Variants in AMOTL2 observed in about 807,000 individuals in gnomAD.
AMOTL2 encodes the protein angiomotin-like protein 2.
In AMOTL2, 33 loss-of-function variants were observed where a neutral mutation model predicts 78.4. That is an observed-to-expected ratio of 0.42 (90% CI 0.32 to 0.56). The LOEUF (loss-of-function observed/expected upper bound fraction) is 0.56, where lower values mean the gene tolerates loss of function less well. Among genes scored for constraint, AMOTL2 ranks in the 20% least tolerant of loss-of-function variants. The pLI is 0.12. For missense variants in AMOTL2, 983 were observed against 1,030.1 expected (o/e 0.95, Z 0.63); for synonymous variants, 422 against 428.8 (o/e 0.98, Z 0.20).
Position 134,371,315 on chromosome 3 carries a change from C to G in AMOTL2, c.119G>C (p.Arg40Thr). 6.2e-7 allele frequency: 1 copy of G among 1,612,430 alleles called. No individual in the cohort carries two copies. The highest frequency in any genetic ancestry group is 8.5e-7 in the Non-Finnish European group (1 of 1,180,032). Residue 40 changes from arginine to threonine, a missense_variant, in exon 2 of 10, where the codon AGG becomes ACG. By Grantham distance (71) the Arg-to-Thr change is moderately conservative. Coordinates refer to ENST00000249883, the MANE Select transcript of AMOTL2 (RefSeq NM_016201.4). Reference sequence around the variant, plus strand: ...TGTACCCCCAGTTCCAGCCCCACCCCTCAGGGCCTGCTGCTGGATGGCTAG... The same window carrying G: ...TGTACCCCCAGTTCCAGCCCCACCCGTCAGGGCCTGCTGCTGGATGGCTAG... ...TLLAIQQQAL[R>T]GGAGTGGTGS...
Position 134,359,331 on chromosome 3 carries a change from A to G in AMOTL2, c.2056T>C (p.Ser686Pro). The change falls in exon 8 of 10, where the codon TCT becomes CCT. Residue 686 changes from serine (S) to proline (P), a missense_variant. Physicochemically the swap from Ser to Pro is moderately conservative, Grantham distance 74 (BLOSUM62 -1). Transcript: ENST00000249883. ...TCTGCTGTTTGTCGCTCACTAGAAG[A>G]GAGCCCTTGCCAGCCCTGGGTTCCT... ...AAGTQGWQGL[S>P]SSERQTADAP... is the part of the protein sequence containing the mutation. 1.2e-6 allele frequency: 2 copies of G among 1,614,226 alleles called. No homozygotes were observed. The highest frequency in any genetic ancestry group is 1.7e-6 in the Non-Finnish European group (2 of 1,180,036).
chr3:134,373,705 T>C, intron 1 of AMOTL2: 1 of 985,346 alleles, frequency 1.0e-6, no homozygotes, highest in Non-Finnish European at 1.2e-6. Flanking sequence ...CGGTGGCCGC[T>C]GGTACGCCTG....
intron 6 of AMOTL2, 65 bp from the exon 7 acceptor site, chr3:134,360,478 T>C: frequency 7.2e-7 from 1 of 1,382,582 alleles, no homozygotes; most frequent in Non-Finnish European, 1.0e-6. Flanking sequence ...CCACTGGTCT[T>C]CGCCTCCACA....
intron 3 of AMOTL2, 132 bp downstream of exon 3, chr3:134,367,365 G>A (rs1466827): frequency 0.6 from 654,311 of 1,091,368 alleles, 206,126 homozygotes; most frequent in Middle Eastern, 0.68. Flanking sequence ...GGAGGTGGAA[G>A]ACAGAGGGAT....
chr3:134,363,717 T>C (rs2017475506), intron 5 of AMOTL2, among the ~76,000 whole-genome samples: 1 of 152,154 alleles, frequency 6.6e-6, no homozygotes, highest in East Asian at 1.9e-4. Flanking sequence ...TGGCCACACT[T>C]TCCTAGTGTT....
Position 134,374,297 on chromosome 3 carries a change from C to G in AMOTL2, c.-62+45G>C, listed in dbSNP as rs934959532. On this transcript the variant is annotated intron_variant, in intron 1 of 9. Coordinates refer to ENST00000249883, the MANE Select transcript of AMOTL2 (RefSeq NM_016201.4). Reference sequence around the variant, plus strand: ...CTCCAGCTTTGGCTGGGGCACGTTTCTGTGGCCTCGCGCGCTCTCCCGAGC... The same window carrying G: ...CTCCAGCTTTGGCTGGGGCACGTTTGTGTGGCCTCGCGCGCTCTCCCGAGC... 36 of 985,454 alleles carry G rather than the reference C, an allele frequency of 3.7e-5. No homozygotes were observed. The African/African-American group carries it at 4.9e-4, about 13-fold the overall frequency. 61.0% of individuals were successfully genotyped at this position (985,454 alleles called of 1,614,324 possible).
chr3:134,355,837 C>T lies in AMOTL2; in HGVS notation c.*1868G>A, dbSNP rs1014138646. 1.0e-4 allele frequency: 16 copies of T among 152,790 alleles called. No individual in the cohort carries two copies. The highest frequency in any genetic ancestry group is 1.6e-4 in the Non-Finnish European group (11 of 68,058). 9.5% of individuals were successfully genotyped at this position (152,790 alleles called of 1,614,324 possible). Reference sequence around the variant, plus strand: ...GCCCCCCAAAATCCTCACCCTTTCCCTTCCCTCAGTGCAAAGTCTCACCTG... The same window carrying T: ...GCCCCCCAAAATCCTCACCCTTTCCTTTCCCTCAGTGCAAAGTCTCACCTG... On this transcript the variant is annotated 3_prime_UTR_variant, in exon 10 of 10. Transcript: ENST00000249883.
chr3:134,359,797 G>A (rs1398094859), intron 7 of AMOTL2, among the ~76,000 whole-genome samples: 3 of 152,240 alleles, frequency 2.0e-5, no homozygotes, highest in East Asian at 3.9e-4. Flanking sequence ...TTCATCAGAT[G>A]ATAGTGGCGG....
At chr3:134,358,227 A>C (rs969410886) in intron 9 of AMOTL2, among the ~76,000 whole-genome samples, 10 of 152,226 alleles carry the variant, frequency 6.6e-5, no homozygotes, top group Non-Finnish European at 1.5e-4. Context: ...TGGATAATCA[A>C]ATTGGAAATT....
At chr3:134,365,747 A>T in intron 5 of AMOTL2, 70 bp downstream of exon 5, 2 of 1,408,294 alleles carry the variant, frequency 1.4e-6, no homozygotes, top group Non-Finnish European at 2.0e-6. Context: ...CAATCTTCCT[A>T]GTCCAGAGGG....
chr3:134,364,156 C>T (rs748152928), intron 5 of AMOTL2, among the ~76,000 whole-genome samples: 2 of 152,092 alleles, frequency 1.3e-5, no homozygotes, highest in East Asian at 1.9e-4. Context: ...GCTCACCCTC[C>T]CTCCTCCCAA....
chr3:134,359,594 C>T (rs1477761203), intron 7 of AMOTL2, 91 bp from the exon 8 acceptor site: 6 of 1,021,592 alleles, frequency 5.9e-6, no homozygotes, highest in African/African-American at 1.6e-5. Context: ...AGGAAAAGCC[C>T]CCCCCAACTC....
intron 3 of AMOTL2, chr3:134,366,830 G>A (rs60048996): frequency 0.028 from 4,957 of 175,392 alleles, 257 homozygotes; most frequent in African/African-American, 0.11. Context: ...CCATGATGGG[G>A]TGGTTTGACC....
chr3:134,371,880 C>T, intron 1 of AMOTL2: 1 of 201,674 alleles, frequency 5.0e-6, no homozygotes, highest in Non-Finnish European at 1.0e-5. Flanking sequence ...AGATAACCCA[C>T]CAGGAACCAC....
At chr3:134,374,778 C>G, upstream of AMOTL2, 2 of 1,017,726 alleles carry the variant, frequency 2.0e-6, no homozygotes, top group Non-Finnish European at 2.4e-6. Flanking sequence ...CCAACTCTGC[C>G]CATTATCGCC....
In AMOTL2 at chr3:134,356,359, A is replaced by T. The variant is rs2017080169; in HGVS notation, c.*1346T>A. ...GGAGAACTAAAAACGGTAAAGACAA[A>T]ACTGCTAAAACCCACCAATAGCTCC... is the stretch of plus-strand genomic sequence containing the variant. On this transcript the variant is annotated 3_prime_UTR_variant, in exon 10 of 10. Transcript: ENST00000249883. The T allele has an allele frequency of 6.6e-6, 1 of 152,570 alleles. No homozygotes were observed. Among genetic ancestry groups the T allele is most frequent in the Non-Finnish European group, 1.5e-5 (1 of 68,056 alleles). 9.5% of individuals were successfully genotyped at this position (152,570 alleles called of 1,614,324 possible). A position where few individuals can be genotyped will look rare whatever the true frequency, so the allele number is the denominator to read the frequency against.
intron 1 of AMOTL2, chr3:134,371,887 C>T (rs1262209423): frequency 1.5e-5 from 3 of 200,658 alleles, no homozygotes; most frequent in African/African-American, 4.6e-5. Context: ...CCACCAGGAA[C>T]CACCACCCGT....
rs747768448 is a variant in AMOTL2 at position 134,367,590 on chromosome 3, G to A, written c.948C>T (p.Ala316=). The A allele has an allele frequency of 1.7e-5, 27 of 1,613,386 alleles. No individual in the cohort carries two copies. Among genetic ancestry groups the A allele is most frequent in the Middle Eastern group, 1.8e-4 (1 of 5,648 alleles). Residue 316 remains alanine (A), a synonymous_variant, in exon 3 of 10, where the codon GCC becomes GCT. Transcript: ENST00000249883. ...SGSAHLAQME[A]VLRENARLQR... Reference sequence around the variant, plus strand: ...GCAGCCTGGCATTCTCCCTCAGCACGGCCTCCATCTGGGCCAGGTGGGCAC... The same window carrying A: ...GCAGCCTGGCATTCTCCCTCAGCACAGCCTCCATCTGGGCCAGGTGGGCAC...
rs1318313890 is a variant in AMOTL2 at position 134,358,365 on chromosome 3, ATGTTCAC to A, written c.2284+168_2284+174del. On this transcript the variant is annotated intron_variant, in intron 9 of 9. Transcript: ENST00000249883. ...CTATTCATGCAACCAGCCATCCCTC[ATGTTCAC>A]ATTGAGGTGGGCCAGGCACCCTGCT... Among the ~76,000 whole-genome samples the A allele has an allele frequency of 2.6e-5, 4 of 152,232 alleles. No individual in the cohort carries two copies. The East Asian group carries it at 5.8e-4, about 22-fold the overall frequency.
Sources: gnomAD v4.1 joint callset for allele counts (sites outside exome capture counted in the v4.1 genomes callset) on GRCh38, gnomAD v4.1.1 for gene constraint, MANE v1.5 for transcripts, NCBI Gene and HGNC (gene_info 2026-07-23, HGNC 2026-07-21) for gene names.